Variants in CEP250 observed in about 807,000 individuals in gnomAD.
The protein encoded by CEP250 is centrosomal protein 250, also known as centrosome-associated protein CEP250.
A neutral mutation model predicts 315.7 loss-of-function variants in CEP250; 242 were observed. The ratio of observed to expected loss-of-function variants is 0.77; its 90% CI spans 0.69 to 0.85. CEP250 has a LOEUF of 0.85. Among genes scored for constraint, CEP250 ranks in the 40% least tolerant of loss-of-function variants. The pLI is 0.00. For synonymous variants in CEP250, 1,088 were observed against 1,175.0 expected, an observed-to-expected ratio of 0.93 and a Z score of 1.51; for missense variants, 2,515 against 2,886.4, an observed-to-expected ratio of 0.87 and a Z score of 2.95.
chr20:35,503,469 C>T lies in CEP250; in HGVS notation c.5100C>T (p.Thr1700=), dbSNP rs1313291134. 2 of 1,614,056 alleles carry T rather than the reference C, an allele frequency of 1.2e-6. No homozygotes were observed. The highest frequency in any genetic ancestry group is 8.5e-7 in the Non-Finnish European group (1 of 1,180,010). The change falls in exon 30 of 35, where the codon ACC becomes ACT. Residue 1700 remains threonine (T), a synonymous_variant. Transcript: ENST00000397527. This position sits in a 1 kb window ranked among gnomAD's most constrained non-coding sequence, Gnocchi z 4.2. ...LSLRERGREL[T]TQRQLMQERA... ...TGAGAGAGCGAGGCCGGGAGCTGACCACTCAGAGGCAGCTGATGCAGGAAC... is the reference window on the plus strand; with the variant it reads ...TGAGAGAGCGAGGCCGGGAGCTGACTACTCAGAGGCAGCTGATGCAGGAAC...
chr20:35,494,465 G>A, intron 23 of CEP250, 59 bp from the exon 24 acceptor site: 1 of 1,605,830 alleles, frequency 6.2e-7, no homozygotes, highest in South Asian at 1.1e-5. Context: ...TAGGTGAGGA[G>A]CATCTTCCCA....
intron 8 of CEP250, 39 bp from the exon 9 acceptor site, chr20:35,467,265 T>A: frequency 6.3e-7 from 1 of 1,593,998 alleles, no homozygotes; most frequent in Non-Finnish European, 8.6e-7. Context: ...CCTTCCCTGG[T>A]TCCTAGTGGA....
intron 28 of CEP250, 67 bp downstream of exon 28, chr20:35,500,236 C>A: frequency 6.3e-7 from 1 of 1,582,496 alleles, no homozygotes; most frequent in South Asian, 1.1e-5. Flanking sequence ...CCAGAAGTGG[C>A]AGGCACAGGC....
rs773200695 is a variant in CEP250, at chr20:35,505,024, A to C, written c.6636+19A>C. The stretch of plus-strand genomic sequence containing the variant: ...GCTGCAGGTAAGTCACTCCATGGGG[A>C]GTAAGGGCCAGGGGACACACCCCTG... On this transcript the variant is annotated intron_variant, in intron 30 of 34. Transcript: ENST00000397527. The C allele has an allele frequency of 2.5e-6, 4 of 1,572,708 alleles. No homozygotes were observed. The highest frequency in any genetic ancestry group is 3.5e-6 in the Non-Finnish European group (4 of 1,157,146).
In CEP250 at chr20:35,467,047, C is replaced by A; in HGVS notation, c.574C>A (p.Leu192Met). 1 of 1,613,574 alleles carries A rather than the reference C, an allele frequency of 6.2e-7. No homozygotes were observed. Among genetic ancestry groups the A allele is most frequent in the Non-Finnish European group, 8.5e-7 (1 of 1,179,700 alleles). ...GGTTGTGACATTCCGACGCCACTTCCTGGAAATGAAGTCAGCTACTGACAG... is the reference window on the plus strand; with the variant it reads ...GGTTGTGACATTCCGACGCCACTTCATGGAAATGAAGTCAGCTACTGACAG... ...REVVTFRRHF[L>M]EMKSATDRDL... The change falls in exon 8 of 35, where the codon CTG becomes ATG. Residue 192 changes from leucine to methionine, a missense_variant. Transcript: ENST00000397527.
chr20:35,472,382 A>C (rs1329062461), intron 11 of CEP250, among the ~76,000 whole-genome samples: 1 of 152,204 alleles, frequency 6.6e-6, no homozygotes, highest in Non-Finnish European at 1.5e-5. Context: ...TGCAGTTCTC[A>C]GGCTGGAGGC....
Position 35,516,904 on chromosome 20 carries a change from A to G in CEP250, c.*5278A>G. ...TCCATTCATTCAGGTTAGACCTCTG[A>G]GCAGACGGCAGAAACGTCAGCCACA... is the stretch of plus-strand genomic sequence containing the variant. On this transcript the variant is annotated 3_prime_UTR_variant, in exon 35 of 35. Coordinates refer to ENST00000397527, the MANE Select transcript of CEP250 (RefSeq NM_007186.6). The G allele has an allele frequency of 2.4e-6, 2 of 848,276 alleles. No homozygotes were observed. The highest frequency in any genetic ancestry group is 2.8e-6 in the Non-Finnish European group (2 of 704,684). 52.5% of individuals were successfully genotyped at this position (848,276 alleles called of 1,614,324 possible). A position where few individuals can be genotyped will look rare whatever the true frequency, so the allele number is the denominator to read the frequency against.
In CEP250 at chr20:35,517,172, C is replaced by G. The variant is rs1468467112; in HGVS notation, c.*5546C>G. ...GACCTATTCAGTCCTCAAGGGTGCC[C>G]TGCTAAAGGCTGGGCTGAAAGCTAA... On this transcript the variant is annotated 3_prime_UTR_variant, in exon 35 of 35. Transcript: ENST00000397527. The G allele has an allele frequency of 3.8e-5, 9 of 234,378 alleles. No homozygotes were observed. The highest frequency in any genetic ancestry group is 2.1e-4 in the African/African-American group (9 of 42,930). The allele number at this position is 234,378 out of a possible 1,614,324, so 14.5% of individuals were successfully genotyped here. A position where few individuals can be genotyped will look rare whatever the true frequency, so the allele number is the denominator to read the frequency against.
chr20:35,458,174 T>C (rs962422984), intron 1 of CEP250, 130 bp from the exon 2 acceptor site: 10 of 152,254 alleles, frequency 6.6e-5, no homozygotes, highest in Admixed American at 6.5e-4. Context: ...CATTTATGCC[T>C]CTATTCCAAG....
At chr20:35,502,348 A>G in intron 29 of CEP250, 42 bp from the exon 30 acceptor site, 2 of 1,502,012 alleles carry the variant, frequency 1.3e-6, no homozygotes, top group Non-Finnish European at 1.8e-6. Context: ...TGACAGTAGC[A>G]GGGAAGTGTA....
chr20:35,504,752 G>A lies in CEP250; in HGVS notation c.6383G>A (p.Ser2128Asn). 6.2e-7 allele frequency: 1 copy of A among 1,614,190 alleles called. No individual in the cohort carries two copies. Among genetic ancestry groups the A allele is most frequent in the South Asian group, 1.1e-5 (1 of 91,090 alleles). Residue 2128 changes from serine (S) to asparagine (N), a missense_variant, in exon 30 of 35, where the codon AGC becomes AAC. By Grantham distance (46) the Ser-to-Asn change is conservative. Coordinates refer to ENST00000397527, the MANE Select transcript of CEP250 (RefSeq NM_007186.6). ...QRNNLEALPH[S>N]HKTSPMEEQS... Reference sequence around the variant, plus strand: ...AACAACCTGGAAGCCTTACCCCACAGCCACAAAACCTCCCCAATGGAGGAA... The same window carrying A: ...AACAACCTGGAAGCCTTACCCCACAACCACAAAACCTCCCCAATGGAGGAA...
intron 30 of CEP250, 38 bp downstream of exon 30, chr20:35,505,043 A>C (rs2064147397): frequency 6.6e-7 from 1 of 1,513,128 alleles, no homozygotes; most frequent in East Asian, 2.3e-5. Flanking sequence ...CAGGGGACAC[A>C]CCCCTGTCTG....
chr20:35,493,533 C>A lies in CEP250; in HGVS notation c.2994C>A (p.Ser998Arg), dbSNP rs754352992. The A allele has an allele frequency of 3.1e-6, 5 of 1,598,764 alleles. No homozygotes were observed. In the East Asian group the frequency reaches 9.1e-5, roughly 29 times the overall value. ...RDDLAALQEE[S>R]SSLLQDKMDL... ...ACCTTGCTGCCCTCCAAGAAGAGAG[C>A]AGCTCCCTGCTGCAGGATAAGATGG... Residue 998 changes from serine to arginine, a missense_variant, in exon 23 of 35, where the codon AGC (serine) becomes AGA (arginine). Ser to Arg is a moderately radical substitution (Grantham distance 110). Coordinates refer to ENST00000397527, the MANE Select transcript of CEP250 (RefSeq NM_007186.6).
At chr20:35,472,553 C>T (rs1383767556) in intron 11 of CEP250, 120 bp from the exon 12 acceptor site, 2 of 1,026,168 alleles carry the variant, frequency 1.9e-6, no homozygotes, top group Non-Finnish European at 2.9e-6. Flanking sequence ...CCCCTCCTTC[C>T]CCCAGGGGAG....
At chr20:35,484,821 T>C (rs543763669) in intron 20 of CEP250, among the ~76,000 whole-genome samples, 9 of 152,280 alleles carry the variant, frequency 5.9e-5, no homozygotes, top group Non-Finnish European at 1.0e-4. Flanking sequence ...TTTGCAATTG[T>C]AGTGCAAAGC....
chr20:35,507,865 T>C lies in CEP250; in HGVS notation c.6750+14T>C, dbSNP rs756528525. On this transcript the variant is annotated intron_variant, in intron 31 of 34. Coordinates refer to ENST00000397527, the MANE Select transcript of CEP250 (RefSeq NM_007186.6). ...CAGCTGGGAGAGGTGAGCTGGGGGC[T>C]CTGGGGGAACAGGTGACCCAGCAGG... is the stretch of plus-strand genomic sequence containing the variant. 2 of 1,608,908 alleles carry C rather than the reference T, an allele frequency of 1.2e-6. No homozygotes were observed. Among genetic ancestry groups the C allele is most frequent in the Non-Finnish European group, 1.7e-6 (2 of 1,176,946 alleles).
intron 14 of CEP250, among the ~76,000 whole-genome samples, chr20:35,474,390 C>T (rs988559940): frequency 7.2e-5 from 11 of 152,094 alleles, no homozygotes; most frequent in African/African-American, 2.7e-4. Context: ...CAGACCAAGT[C>T]CTTTGGGAGC....
intron 33 of CEP250, among the ~76,000 whole-genome samples, chr20:35,509,541 T>C (rs2064295959): frequency 6.6e-6 from 1 of 152,196 alleles, no homozygotes; most frequent in African/African-American, 2.4e-5. Flanking sequence ...CTAGGTGAGG[T>C]ATCCCTGCCA....
intron 32 of CEP250, 99 bp downstream of exon 32, chr20:35,508,289 C>T: frequency 2.3e-6 from 3 of 1,279,656 alleles, no homozygotes; most frequent in Non-Finnish European, 2.2e-6. Flanking sequence ...CAAATCCAGC[C>T]TGCTGCCTGT....
Sources: gnomAD v4.1 joint callset for allele counts (sites outside exome capture counted in the v4.1 genomes callset) on GRCh38, gnomAD v4.1.1 for gene constraint, Gnocchi (gnomAD v3.1) non-coding constraint, MANE v1.5 for transcripts, NCBI Gene and HGNC (gene_info 2026-07-23, HGNC 2026-07-21) for gene names.